Variants in HELB observed in about 807,000 individuals in gnomAD.
HELB encodes the protein DNA helicase B, also known as DNA 5'-3' helicase B.
Under a neutral mutation model 101.7 loss-of-function variants are expected in HELB, and 96 were observed. That is an observed-to-expected ratio of 0.94 (90% confidence interval 0.80 to 1.12). HELB has a LOEUF of 1.12. Among genes scored for constraint, HELB ranks in the 50% most tolerant of loss-of-function variants. HELB has a pLI of 0.00. For synonymous variants in HELB, 437 were observed against 459.7 expected, an observed-to-expected ratio of 0.95 and a Z score of 0.63; for missense variants, 1,210 against 1,291.9, an observed-to-expected ratio of 0.94 and a Z score of 0.97.
Position 66,302,630 on chromosome 12 carries a change from C to A in HELB, c.27C>A (p.Arg9=). The change falls in exon 1 of 13, where the codon CGC becomes CGA. Residue 9 remains arginine, a synonymous_variant. Coordinates refer to ENST00000247815, the MANE Select transcript of HELB (RefSeq NM_001370285.1). MARSSPYL[R]QLQGPLLPPR... ...TGGCCAGGTCGAGTCCGTACCTGCG[C>A]CAACTTCAGGGACCTCTGCTCCCAC... 1 of 1,613,632 alleles carries A rather than the reference C, an allele frequency of 6.2e-7. No homozygotes were observed.
rs763153697 is a variant in HELB at position 66,331,237 on chromosome 12, G to A, written c.2754G>A (p.Arg918=). 4 of 1,614,192 alleles carry A rather than the reference G, an allele frequency of 2.5e-6. No homozygotes were observed. The highest frequency in any genetic ancestry group is 3.4e-6 in the Non-Finnish European group (4 of 1,180,014). ...HWQHVYTAVT[R]GRCRVYVIAE... ...AGCATGTCTACACCGCCGTGACCAG[G>A]GGCCGCTGCCGAGTGTATGTGATTG... Residue 918 remains arginine (R), a synonymous_variant, in exon 12 of 13, where the codon AGG becomes AGA. Transcript: ENST00000247815.
chr12:66,307,844 G>A (rs1024477284), intron 3 of HELB, among the ~76,000 whole-genome samples: 2 of 150,608 alleles, frequency 1.3e-5, no homozygotes, highest in East Asian at 3.9e-4. Context: ...CGATTCTCCT[G>A]CCTCAGCTCC....
Position 66,304,779 on chromosome 12 carries a change from G to C in HELB, c.236G>C (p.Arg79Pro), listed in dbSNP as rs1404917747. Reference sequence around the variant, plus strand: ...CAAGAGACATGTAAAGTGTTTGGACGTTTTCCGATAACAGGTGCTTGGTGG... The same window carrying C: ...CAAGAGACATGTAAAGTGTTTGGACCTTTTCCGATAACAGGTGCTTGGTGG... ...NTQETCKVFG[R>P]FPITGAWWRV... Residue 79 changes from arginine (R) to proline (P), a missense_variant, in exon 2 of 13, where the codon CGT becomes CCT. Coordinates refer to ENST00000247815, the MANE Select transcript of HELB (RefSeq NM_001370285.1). 4 of 1,613,920 alleles carry C rather than the reference G, an allele frequency of 2.5e-6. No individual in the cohort carries two copies. Among genetic ancestry groups the C allele is most frequent in the Non-Finnish European group, 3.4e-6 (4 of 1,179,944 alleles).
intron 3 of HELB, among the ~76,000 whole-genome samples, chr12:66,307,072 T>C (rs2053485230): frequency 6.6e-6 from 1 of 152,232 alleles, no homozygotes; most frequent in Non-Finnish European, 1.5e-5. Flanking sequence ...GAGGCTCCAG[T>C]GGTATTGGAA....
At chr12:66,329,987 C>T (rs760029478) in intron 11 of HELB, among the ~76,000 whole-genome samples, 50 of 152,210 alleles carry the variant, frequency 3.3e-4, no homozygotes, top group Admixed American at 6.5e-4. Context: ...GGAGCTGCTT[C>T]AAACTCTCTG....
Position 66,306,589 on chromosome 12 carries a change from C to G in HELB, c.777+75C>G, listed in dbSNP as rs898974605. ...TTCAGATTTGGCAATTTTCCTTTCTCTTTCAAAGGAAAAAAATTTGTGTGG... is the reference window on the plus strand; with the variant it reads ...TTCAGATTTGGCAATTTTCCTTTCTGTTTCAAAGGAAAAAAATTTGTGTGG... On this transcript the variant is annotated intron_variant, in intron 3 of 12. Transcript: ENST00000247815. 4.4e-6 allele frequency: 5 copies of G among 1,144,786 alleles called. No homozygotes were observed. The African/African-American group carries it at 7.9e-5, about 18-fold the overall frequency. The allele number at this position is 1,144,786 out of a possible 1,614,324, so 70.9% of individuals were successfully genotyped here. A position where few individuals can be genotyped will look rare whatever the true frequency, so the allele number is the denominator to read the frequency against.
At chr12:66,329,156 A>T (rs1385715335) in intron 11 of HELB, among the ~76,000 whole-genome samples, 2 of 152,238 alleles carry the variant, frequency 1.3e-5, no homozygotes, top group East Asian at 3.8e-4. Flanking sequence ...TGAGGAAATT[A>T]TTTATAGCAG....
Position 66,318,661 on chromosome 12 carries a change from A to C in HELB, c.2024A>C (p.Lys675Thr). The C allele has an allele frequency of 6.3e-7, 1 of 1,594,566 alleles. No homozygotes were observed. Among genetic ancestry groups the C allele is most frequent in the Non-Finnish European group, 8.5e-7 (1 of 1,175,452 alleles). The change falls in exon 7 of 13, where the codon AAA becomes ACA. Residue 675 changes from lysine (K) to threonine (T), a missense_variant. Around this residue, in one of 2 missense-constraint regions of HELB, gnomAD observed 740 missense variants for 728.8 expected, o/e 1.02. Coordinates refer to ENST00000247815, the MANE Select transcript of HELB (RefSeq NM_001370285.1). Reference sequence around the variant, plus strand: ...AGAATCTCAAGACGCCAATTTCCAAAATTTGATGCAGAACTAAATATCTCT... The same window carrying C: ...AGAATCTCAAGACGCCAATTTCCAACATTTGATGCAGAACTAAATATCTCT... The part of the protein sequence containing the change: ...ATRISRRQFP[K>T]FDAELNISDN...
At chr12:66,317,182 G>T (rs1341324382) in intron 6 of HELB, among the ~76,000 whole-genome samples, 1 of 151,560 alleles carries the variant, frequency 6.6e-6, no homozygotes, top group East Asian at 1.9e-4. Flanking sequence ...GGGTGATAGA[G>T]CGCGACTCCA....
At chr12:66,322,876 T>A in intron 9 of HELB, 93 bp downstream of exon 9, 2 of 732,166 alleles carry the variant, frequency 2.7e-6, no homozygotes, top group Non-Finnish European at 2.3e-6. Flanking sequence ...CCTATTTACA[T>A]ATATTCCCAA....
At position 66,309,646 on chromosome 12, in the gene HELB, A is replaced by G. The variant is rs2053516217; in HGVS notation, c.778-60A>G. 4.4e-6 allele frequency: 5 copies of G among 1,126,612 alleles called. No homozygotes were observed. The East Asian group carries it at 1.2e-4, about 27-fold the overall frequency. The allele number at this position is 1,126,612 out of a possible 1,614,324, so 69.8% of individuals were successfully genotyped here. On this transcript the variant is annotated intron_variant, in intron 3 of 12. Coordinates refer to ENST00000247815, the MANE Select transcript of HELB (RefSeq NM_001370285.1). ...CTGGGATTTAAAAAATTATTAATAA[A>G]GAACATATTCATAAACACTTATGAT...
chr12:66,324,763 T>C (rs566481541), intron 10 of HELB: 7 of 506,858 alleles, frequency 1.4e-5, no homozygotes, highest in African/African-American at 1.3e-4. Context: ...AAATTGAAGA[T>C]AAGTTTCAAA....
At chr12:66,317,043 A>G (rs1057035687) in intron 6 of HELB, among the ~76,000 whole-genome samples, 2 of 150,566 alleles carry the variant, frequency 1.3e-5, no homozygotes, top group Non-Finnish European at 3.0e-5. Context: ...AAAAAAATAC[A>G]AACATTAGCT....
At position 66,318,688 on chromosome 12, in the gene HELB, A is replaced by T. The variant is rs1303184093; in HGVS notation, c.2051A>T (p.Asp684Val). The change falls in exon 7 of 13, where the codon GAT becomes GTT. Residue 684 changes from aspartate (D) to valine (V), a missense_variant. By Grantham distance (152) the Asp-to-Val change is radical. Transcript: ENST00000247815. ...PKFDAELNISDNPTLPISIQD... is the reference protein window; with the variant it reads ...PKFDAELNISVNPTLPISIQD... ...TTTGATGCAGAACTAAATATCTCTG[A>T]TAATCCAACATTACCCATCTCAATT... 1.9e-6 allele frequency: 3 copies of T among 1,607,580 alleles called. No homozygotes were observed. Among genetic ancestry groups the T allele is most frequent in the Non-Finnish European group, 2.5e-6 (3 of 1,178,428 alleles).
chr12:66,331,503 A>T lies in HELB; in HGVS notation c.3020A>T (p.Asp1007Val). Residue 1007 changes from aspartate (D) to valine (V), a missense_variant, in exon 12 of 13, where the codon GAT becomes GTT. Coordinates refer to ENST00000247815, the MANE Select transcript of HELB (RefSeq NM_001370285.1). ...ACCTGGAGCGAGGCCTCTTCGCCTGATGAGAGGACACTCACCTTTGCTGAA... is the reference window on the plus strand; with the variant it reads ...ACCTGGAGCGAGGCCTCTTCGCCTGTTGAGAGGACACTCACCTTTGCTGAA... ...DVTWSEASSP[D>V]ERTLTFAERW... 2 of 1,614,168 alleles carry T rather than the reference A, an allele frequency of 1.2e-6. No individual in the cohort carries two copies. The highest frequency in any genetic ancestry group is 1.7e-6 in the Non-Finnish European group (2 of 1,180,040).
rs1316028317 is a variant in HELB at position 66,310,367 on chromosome 12, G to A, written c.1439G>A (p.Gly480Glu). ...GTCATAAGTGGGAAAGGTGGATGTG[G>A]GAAGACCACAATCGTTAGCCGTCTT... is the stretch of plus-strand genomic sequence containing the variant. ...VTVISGKGGC[G>E]KTTIVSRLFK... The change falls in exon 4 of 13, where the codon GGG (glycine) becomes GAG (glutamate). Residue 480 changes from glycine to glutamate, a missense_variant. By Grantham distance (98) the Gly-to-Glu change is moderately conservative. Around this residue, in one of 2 missense-constraint regions of HELB, gnomAD observed 740 missense variants for 728.8 expected, o/e 1.02. Transcript: ENST00000247815. 6.2e-7 allele frequency: 1 copy of A among 1,614,188 alleles called. No individual in the cohort carries two copies. The highest frequency in any genetic ancestry group is 1.1e-5 in the South Asian group (1 of 91,088).
At chr12:66,322,069 T>G in intron 8 of HELB, 40 bp downstream of exon 8, 1 of 769,388 alleles carries the variant, frequency 1.3e-6, no homozygotes, top group Non-Finnish European at 2.1e-6. Flanking sequence ...TAATCTAGCT[T>G]TTAAATCTCA....
At chr12:66,329,131 G>A (rs981435664) in intron 11 of HELB, among the ~76,000 whole-genome samples, 1 of 152,134 alleles carries the variant, frequency 6.6e-6, no homozygotes, top group Non-Finnish European at 1.5e-5. Context: ...GATTTTCAAG[G>A]GAGATTTAAA....
chr12:66,313,103 G>T (rs2053562017), intron 4 of HELB, among the ~76,000 whole-genome samples: 1 of 152,202 alleles, frequency 6.6e-6, no homozygotes. Flanking sequence ...GTGAGACATG[G>T]CTACTGTGAG....
Sources: allele counts gnomAD v4.1 joint callset (sites outside exome capture counted in the v4.1 genomes callset), GRCh38; gene constraint gnomAD v4.1.1; regional missense constraint gnomAD v4.1.1; transcripts MANE v1.5; gene names NCBI Gene and HGNC (gene_info 2026-07-23, HGNC 2026-07-21).